DNAJC11: variants seen among roughly 807,000 people sequenced by gnomAD.
The protein encoded by DNAJC11 is DnaJ heat shock protein family (Hsp40) member C11.
Under a neutral mutation model 78.6 loss-of-function variants are expected in DNAJC11, and 15 were observed. That is an observed-to-expected ratio of 0.19 (90% confidence interval 0.13 to 0.29). DNAJC11 has a LOEUF of 0.29. Ranked by LOEUF, DNAJC11 falls within the 10% of genes least tolerant of loss-of-function variation. The pLI is 1.00. For missense variants in DNAJC11, 547 were observed against 709.6 expected (o/e 0.77, Z 2.60); for synonymous variants, 292 against 272.1 (o/e 1.07, Z -0.72).
At chr1:6,639,809 G>T in intron 11 of DNAJC11, 93 bp downstream of exon 11, 1 of 1,396,314 alleles carries the variant, frequency 7.2e-7, no homozygotes, top group South Asian at 1.5e-5. Context: ...CTCATCACCC[G>T]ACGCAGGAGG....
chr1:6,637,741 C>A (rs141303407), intron 12 of DNAJC11: 5 of 581,668 alleles, frequency 8.6e-6, no homozygotes, highest in African/African-American at 1.9e-5. Flanking sequence ...CATGACCCTC[C>A]GGTGGCCACC....
chr1:6,695,993 C>T (rs1460986396), intron 1 of DNAJC11, among the ~76,000 whole-genome samples: 5 of 152,148 alleles, frequency 3.3e-5, no homozygotes, highest in Non-Finnish European at 7.3e-5. Context: ...TAAGTAGAGG[C>T]TGAGGTTAAA....
chr1:6,693,834 ATTTTTTTTTT>A (rs34877805), intron 1 of DNAJC11, among the ~76,000 whole-genome samples: 1 of 101,222 alleles, frequency 9.9e-6, no homozygotes, highest in Admixed American at 1.1e-4. Flanking sequence ...AAGTACCCCC[ATTTTTTTTTT>A]TTTTTTTTTT....
At chr1:6,646,997 A>AAG (rs1641975591) in intron 7 of DNAJC11, among the ~76,000 whole-genome samples, 1 of 151,980 alleles carries the variant, frequency 6.6e-6, no homozygotes, top group Non-Finnish European at 1.5e-5. Context: ...CTCTACAAAA[A>AAG]AGACACAAAA....
At chr1:6,644,037 A>G (rs913056226) in intron 10 of DNAJC11, among the ~76,000 whole-genome samples, 3 of 151,504 alleles carry the variant, frequency 2.0e-5, no homozygotes, top group Non-Finnish European at 2.9e-5. Context: ...CCCCTGGCTA[A>G]TTTTTTGTAT....
chr1:6,639,490 C>T (rs1274919637), intron 11 of DNAJC11, among the ~76,000 whole-genome samples: 8 of 151,930 alleles, frequency 5.3e-5, no homozygotes, highest in South Asian at 4.2e-4. Flanking sequence ...CCACCACGCC[C>T]GGCTAATTTT....
intron 11 of DNAJC11, 124 bp downstream of exon 11, chr1:6,639,778 G>T: frequency 9.8e-7 from 1 of 1,023,102 alleles, no homozygotes; most frequent in Non-Finnish European, 1.4e-6. Context: ...TGCTTTACAT[G>T]CATTACTTAA....
intron 1 of DNAJC11, among the ~76,000 whole-genome samples, chr1:6,686,190 CAATAACTT>C (rs1415757265): frequency 6.6e-6 from 1 of 152,036 alleles, no homozygotes; most frequent in African/African-American, 2.4e-5. Flanking sequence ...TTGGGATCCT[CAATAACTT>C]AATAACTTAA....
rs766681650 is a variant in DNAJC11 at position 6,680,693 on chromosome 1, C to T, written c.202+215G>A. Among the ~76,000 whole-genome samples, 39 of 152,186 alleles carry T rather than the reference C, an allele frequency of 2.6e-4. No homozygotes were observed. Among genetic ancestry groups the T allele is most frequent in the Non-Finnish European group, 5.1e-4 (35 of 68,040 alleles). On this transcript the variant is annotated intron_variant, in intron 2 of 15. Coordinates refer to ENST00000377577, the MANE Select transcript of DNAJC11 (RefSeq NM_018198.4). This position sits in a 1 kb window ranked among gnomAD's most constrained non-coding sequence, Gnocchi z 4.0. ...GCAATTGAGACTCTGTCTATTACCTCGCCCGGTCTCTCATTTTCTACTTAC... is the reference window on the plus strand; with the variant it reads ...GCAATTGAGACTCTGTCTATTACCTTGCCCGGTCTCTCATTTTCTACTTAC...
chr1:6,696,204 A>C (rs1396960047), intron 1 of DNAJC11, among the ~76,000 whole-genome samples: 2 of 152,256 alleles, frequency 1.3e-5, no homozygotes, highest in African/African-American at 4.8e-5. Context: ...AATGTAGTAG[A>C]TGGAAAATGA....
chr1:6,669,052 T>C (rs1314838300), intron 3 of DNAJC11, among the ~76,000 whole-genome samples: 1 of 151,376 alleles, frequency 6.6e-6, no homozygotes, highest in Non-Finnish European at 1.5e-5. Flanking sequence ...TCAGATGTGG[T>C]GGCAGGTGCC....
At chr1:6,638,988 T>C (rs1316207762) in intron 11 of DNAJC11, among the ~76,000 whole-genome samples, 1 of 152,236 alleles carries the variant, frequency 6.6e-6, no homozygotes, top group Non-Finnish European at 1.5e-5. Flanking sequence ...ATTAGGATTC[T>C]GAGTCCAAAG....
At chr1:6,684,000 T>A (rs1224896425) in intron 1 of DNAJC11, among the ~76,000 whole-genome samples, 2 of 152,082 alleles carry the variant, frequency 1.3e-5, no homozygotes, top group Non-Finnish European at 2.9e-5. Context: ...CATGGGAAAA[T>A]AATCTTTTCC....
At chr1:6,648,207 G>A (rs1641997149) in intron 7 of DNAJC11, among the ~76,000 whole-genome samples, 1 of 152,102 alleles carries the variant, frequency 6.6e-6, no homozygotes, top group Non-Finnish European at 1.5e-5. Flanking sequence ...CCAGGCTGGA[G>A]TGCAGTGGCA....
At chr1:6,642,613 G>A (rs1641894835) in intron 10 of DNAJC11, among the ~76,000 whole-genome samples, 2 of 152,154 alleles carry the variant, frequency 1.3e-5, no homozygotes, top group South Asian at 4.1e-4. Flanking sequence ...GCCGAAGCGG[G>A]AGAACTACTT....
At chr1:6,643,023 A>AAAGCCAGAGCAGGG (rs1553127247) in intron 10 of DNAJC11, among the ~76,000 whole-genome samples, 2 of 152,046 alleles carry the variant, frequency 1.3e-5, no homozygotes, top group Non-Finnish European at 2.9e-5. Flanking sequence ...TCTGGTACGG[A>AAAGCCAGAGCAGGG]AAGCCAGAGC....
Position 6,652,855 on chromosome 1 carries a change from C to G in DNAJC11, c.604G>C (p.Val202Leu), listed in dbSNP as rs1281725728. 1.2e-6 allele frequency: 2 copies of G among 1,614,078 alleles called. No homozygotes were observed. Among genetic ancestry groups the G allele is most frequent in the Admixed American group, 3.3e-5 (2 of 59,996 alleles). Residue 202 changes from valine to leucine, a missense_variant, in exon 6 of 16, where the codon GTA (valine) becomes CTA (leucine). Val to Leu is a conservative substitution (Grantham distance 32, BLOSUM62 1). Coordinates refer to ENST00000377577, the MANE Select transcript of DNAJC11 (RefSeq NM_018198.4). ...TCTCCCCATCCCTTTGCCGAAGTTA[C>G]TCGTCTGAGCGCAAAGTTAATGGAA... ...GGSINFALRR[V>L]TSAKGWGELE...
At chr1:6,649,881 T>C (rs1371306267) in intron 7 of DNAJC11, among the ~76,000 whole-genome samples, 1 of 152,000 alleles carries the variant, frequency 6.6e-6, no homozygotes, top group Non-Finnish European at 1.5e-5. Flanking sequence ...TTAATTTTTA[T>C]ATTTTTAGTA....
chr1:6,697,377 A>G (rs1404763110), intron 1 of DNAJC11, among the ~76,000 whole-genome samples: 1 of 152,196 alleles, frequency 6.6e-6, no homozygotes, highest in African/African-American at 2.4e-5. Flanking sequence ...TAATTTTTCC[A>G]CAGACTAGTG....
Sources: gnomAD v4.1 joint callset for allele counts (sites outside exome capture counted in the v4.1 genomes callset) on GRCh38, gnomAD v4.1.1 for gene constraint, Gnocchi (gnomAD v3.1) non-coding constraint, MANE v1.5 for transcripts, NCBI Gene and HGNC (gene_info 2026-07-23, HGNC 2026-07-21) for gene names.